FILIP1L: variants seen among roughly 807,000 people sequenced by gnomAD.
The protein encoded by FILIP1L is filamin A interacting protein 1 like.
FILIP1L carries 55 observed loss-of-function variants against 96.6 expected under a neutral mutation model. The ratio of observed to expected loss-of-function variants is 0.57; its 90% CI spans 0.46 to 0.71. The LOEUF (loss-of-function observed/expected upper bound fraction) is 0.71, where lower values mean the gene tolerates loss of function less well. Among genes scored for constraint, FILIP1L ranks in the 30% least tolerant of loss-of-function variants. The pLI is 0.00. For missense variants in FILIP1L, 1,304 were observed against 1,321.2 expected (o/e 0.99, Z 0.20); for synonymous variants, 467 against 473.9 (o/e 0.99, Z 0.19).
At chr3:100,055,370 G>GTGAC (rs1361883671) in intron 1 of FILIP1L, among the ~76,000 whole-genome samples, 3 of 152,068 alleles carry the variant, frequency 2.0e-5, no homozygotes, top group African/African-American at 7.2e-5. Context: ...GAAAATCAAG[G>GTGAC]TGACTGTATG....
intron 4 of FILIP1L, among the ~76,000 whole-genome samples, chr3:99,920,010 T>G (rs1415041769): frequency 6.6e-6 from 1 of 152,230 alleles, no homozygotes; most frequent in Non-Finnish European, 1.5e-5. Flanking sequence ...AAGCTACCAT[T>G]TGAACTTCTG....
At chr3:99,882,414 C>A (rs1705758701) in intron 4 of FILIP1L, among the ~76,000 whole-genome samples, 1 of 152,084 alleles carries the variant, frequency 6.6e-6, no homozygotes, top group South Asian at 2.1e-4. Context: ...ACTAAATCTT[C>A]CACTTCCTCA....
chr3:100,085,264 G>A (rs941360694), intron 1 of FILIP1L, among the ~76,000 whole-genome samples: 10 of 152,186 alleles, frequency 6.6e-5, no homozygotes, highest in African/African-American at 2.2e-4. Flanking sequence ...GCTTATTATT[G>A]TAGATAGTGT....
intron 4 of FILIP1L, among the ~76,000 whole-genome samples, chr3:99,888,115 A>G (rs974490931): frequency 6.6e-6 from 1 of 152,212 alleles, no homozygotes; most frequent in Non-Finnish European, 1.5e-5. Flanking sequence ...GCATCTATTG[A>G]AAAATTTTAA....
intron 4 of FILIP1L, chr3:99,876,113 G>A: frequency 1.0e-6 from 1 of 986,640 alleles, no homozygotes; most frequent in Middle Eastern, 5.2e-4. Flanking sequence ...CCGGGCCGGG[G>A]CCGCTGTAGT....
intron 1 of FILIP1L, among the ~76,000 whole-genome samples, chr3:100,038,430 AT>A (rs199608949): frequency 6.6e-6 from 1 of 152,032 alleles, no homozygotes; most frequent in African/African-American, 2.4e-5. Flanking sequence ...TTTTTTCACC[AT>A]TTTTTTGCTT....
chr3:99,857,164 T>C (rs1417664287), intron 4 of FILIP1L, among the ~76,000 whole-genome samples: 1 of 151,592 alleles, frequency 6.6e-6, no homozygotes, highest in Non-Finnish European at 1.5e-5. Context: ...CTGTCCTAAG[T>C]AGTTTTATTC....
chr3:100,084,606 G>T (rs1380422331), intron 1 of FILIP1L, among the ~76,000 whole-genome samples: 3 of 152,280 alleles, frequency 2.0e-5, no homozygotes, highest in African/African-American at 7.2e-5. Context: ...TTATAAAGAG[G>T]AACTGATGTG....
intron 1 of FILIP1L, among the ~76,000 whole-genome samples, chr3:100,012,390 G>A (rs1297432970): frequency 1.3e-5 from 2 of 151,956 alleles, no homozygotes; most frequent in Admixed American, 6.6e-5. Flanking sequence ...AGCCCAAAAC[G>A]AAACAAAATA....
intron 4 of FILIP1L, among the ~76,000 whole-genome samples, chr3:99,878,942 G>A (rs1375994978): frequency 1.3e-5 from 2 of 152,094 alleles, no homozygotes; most frequent in Admixed American, 1.3e-4. Context: ...TTCTTCATTT[G>A]TGAAATTCTC....
intron 1 of FILIP1L, among the ~76,000 whole-genome samples, chr3:100,094,777 G>C (rs544767860): frequency 6.8e-6 from 1 of 147,076 alleles, no homozygotes; most frequent in Non-Finnish European, 1.5e-5. Context: ...TCTGCCTCCC[G>C]GGTTCATGCC....
At chr3:99,935,134 G>T (rs1707619965) in intron 1 of FILIP1L, among the ~76,000 whole-genome samples, 2 of 152,076 alleles carry the variant, frequency 1.3e-5, no homozygotes, top group South Asian at 4.1e-4. Context: ...ATACTCTCAT[G>T]CTTTGTATTA....
intron 4 of FILIP1L, among the ~76,000 whole-genome samples, chr3:99,923,770 A>G (rs1707197897): frequency 6.6e-6 from 1 of 152,208 alleles, no homozygotes; most frequent in Non-Finnish European, 1.5e-5. Flanking sequence ...CTTCAGGCCA[A>G]CAGTATAAAG....
intron 4 of FILIP1L, among the ~76,000 whole-genome samples, chr3:99,909,130 C>G (rs982433324): frequency 6.6e-6 from 1 of 152,120 alleles, no homozygotes; most frequent in African/African-American, 2.4e-5. Flanking sequence ...AAGTAGATGG[C>G]TAAAGTGTCA....
chr3:100,073,172 T>C (rs1012333379), intron 1 of FILIP1L, among the ~76,000 whole-genome samples: 4 of 152,184 alleles, frequency 2.6e-5, no homozygotes, highest in Non-Finnish European at 4.4e-5. Flanking sequence ...TCACAAATTA[T>C]AGCCTGTGGG....
At chr3:99,842,105 C>T (rs1943159193) in intron 5 of FILIP1L, among the ~76,000 whole-genome samples, 1 of 151,866 alleles carries the variant, frequency 6.6e-6, no homozygotes, top group African/African-American at 2.4e-5. Context: ...AGTCAATGAG[C>T]GGATAAAGAA....
At chr3:99,963,353 T>A (rs1708549595) in intron 1 of FILIP1L, among the ~76,000 whole-genome samples, 1 of 152,126 alleles carries the variant, frequency 6.6e-6, no homozygotes, top group African/African-American at 2.4e-5. Context: ...AGAGAAAGTT[T>A]GAAGTCATGA....
At chr3:99,900,726 A>G (rs1399879369) in intron 4 of FILIP1L, among the ~76,000 whole-genome samples, 1 of 152,214 alleles carries the variant, frequency 6.6e-6, no homozygotes, top group African/African-American at 2.4e-5. Context: ...GCTGATACTC[A>G]AACTGAGCTG....
At chr3:99,873,109 G>A (rs1705320542) in intron 4 of FILIP1L, among the ~76,000 whole-genome samples, 1 of 152,166 alleles carries the variant, frequency 6.6e-6, no homozygotes, top group Non-Finnish European at 1.5e-5. Context: ...GACTGGGTTG[G>A]TGGCTAGAAA....
Sources: allele counts gnomAD v4.1 joint callset (sites outside exome capture counted in the v4.1 genomes callset), GRCh38; gene constraint gnomAD v4.1.1; transcripts MANE v1.5; gene names NCBI Gene and HGNC (gene_info 2026-07-23, HGNC 2026-07-21).